PHF8: variants seen among roughly 807,000 people sequenced by gnomAD.
PHF8 encodes the protein histone lysine demethylase PHF8.
PHF8 carries 9 observed loss-of-function variants against 74.4 expected under a neutral mutation model. The observed-to-expected ratio is 0.12, with a 90% CI of 0.07 to 0.21. The LOEUF is 0.21. PHF8 is among the 10% of genes least tolerant of loss of function. PHF8 has a pLI of 1.00. For synonymous variants in PHF8, 311 were observed against 316.6 expected (o/e 0.98, Z 0.19); for missense variants, 478 against 816.6 (o/e 0.59, Z 5.05).
Position 53,977,758 on chromosome X carries a change from T to C in PHF8, c.2443+7156A>G, listed in dbSNP as rs1315519734. ...GACTCCTGGGTTCACGCCATTCTCC[T>C]GCCTCAGCCTCCTGAGTAGCTGGGA... is the stretch of plus-strand genomic sequence containing the variant. On this transcript the variant is annotated intron_variant, in intron 18 of 21. Coordinates refer to ENST00000338154, the MANE Select transcript of PHF8 (RefSeq NM_015107.3). 1.4e-4 allele frequency among the ~76,000 whole-genome samples: 15 copies of C among 107,534 alleles called. No homozygotes were observed. The East Asian group carries it at 3.6e-3, about 26-fold the overall frequency. The allele number at this position is 107,534 out of a possible 115,157, so 93.4% of individuals were successfully genotyped here. A position where few individuals can be genotyped will look rare whatever the true frequency, so the allele number is the denominator to read the frequency against.
Position 54,017,719 on chromosome X carries a change from C to T in PHF8, c.396G>A (p.Gly132=), listed in dbSNP as rs782802264. The T allele has an allele frequency of 1.1e-5, 13 of 1,206,993 alleles. No individual in the cohort carries two copies. In the South Asian group the frequency reaches 1.8e-4, roughly 16 times the overall value. The part of the protein sequence containing the change: ...SVPILVLKKD[G]LGMTLPSPSF... ...ATGGCGAGGGCAGCGTCATGCCCAA[C>T]CCATCCTTCTTCAGGACCAGGATGG... is the stretch of plus-strand genomic sequence containing the variant. The change falls in exon 5 of 22, where the codon GGG becomes GGA. Residue 132 remains glycine (G), a synonymous_variant. Coordinates refer to ENST00000338154, the MANE Select transcript of PHF8 (RefSeq NM_015107.3).
upstream of PHF8, among the ~76,000 whole-genome samples, chrX:54,046,435 T>TA: frequency 9.1e-6 from 1 of 110,107 alleles, no homozygotes; most frequent in Non-Finnish European, 1.9e-5. Flanking sequence ...ATAAAAATAT[T>TA]AGCCGTGTGT....
intron 18 of PHF8, among the ~76,000 whole-genome samples, chrX:53,974,656 C>G (rs1173076480): frequency 8.9e-6 from 1 of 111,868 alleles, no homozygotes; most frequent in Non-Finnish European, 1.9e-5. Flanking sequence ...ATGGAATCAA[C>G]CAAAATGCCC....
At chrX:54,034,803 G>A (rs1036969661) in intron 2 of PHF8, among the ~76,000 whole-genome samples, 111 of 88,463 alleles carry the variant, frequency 1.3e-3, no homozygotes, top group African/African-American at 4.4e-3. Flanking sequence ...CAGCCTGGGC[G>A]ACAGAGCGAG....
intron 2 of PHF8, among the ~76,000 whole-genome samples, chrX:54,039,112 C>T (rs1429008930): frequency 3.4e-5 from 3 of 88,778 alleles, no homozygotes; most frequent in African/African-American, 8.9e-5. Flanking sequence ...GCAGCTTGGG[C>T]AACAGAGTGA....
chrX:54,041,990 C>G (rs903793802), intron 2 of PHF8, among the ~76,000 whole-genome samples: 1 of 112,034 alleles, frequency 8.9e-6, no homozygotes, highest in Admixed American at 9.5e-5. Context: ...GTGTGTGAGG[C>G]AGAACATAAT....
chrX:53,941,043 A>C (rs1221023879), intron 20 of PHF8, among the ~76,000 whole-genome samples: 1 of 112,160 alleles, frequency 8.9e-6, no homozygotes, highest in East Asian at 2.8e-4. Flanking sequence ...GACACCTTGC[A>C]AACTTCTCAA....
intron 2 of PHF8, among the ~76,000 whole-genome samples, chrX:54,036,628 A>T (rs1417556365): frequency 1.9e-5 from 2 of 103,209 alleles, no homozygotes; most frequent in Non-Finnish European, 3.9e-5. Flanking sequence ...GCCTTGAACT[A>T]CATGAAAAGG....
At chrX:53,998,440 TG>T (rs2065781042) in intron 11 of PHF8, among the ~76,000 whole-genome samples, 1 of 109,951 alleles carries the variant, frequency 9.1e-6, no homozygotes, top group Non-Finnish European at 1.9e-5. Context: ...GGCGACAGAG[TG>T]AGGTTCTGTC....
chrX:54,043,495 C>A (rs782356181), intron 1 of PHF8, among the ~76,000 whole-genome samples: 1 of 111,211 alleles, frequency 9.0e-6, no homozygotes, highest in African/African-American at 3.3e-5. Flanking sequence ...CTAAACTGAC[C>A]AGCTCGTTCT....
Position 53,976,304 on chromosome X carries a change from C to CA in PHF8, c.2443+8609dup, listed in dbSNP as rs782395667. Among the ~76,000 whole-genome samples the CA allele has an allele frequency of 8.6e-3, 873 of 101,084 alleles. 4 individuals carry two copies. Among genetic ancestry groups the CA allele is most frequent in the Non-Finnish European group, 0.013 (656 of 50,718 alleles). The allele number at this position is 101,084 out of a possible 115,157, so 87.8% of individuals were successfully genotyped here. ...TGGGTGACAGACCAAGACTCTGTCT[C>CA]AAAAAAATAAAATAAAATAAAATAG... On this transcript the variant is annotated intron_variant, in intron 18 of 21. Coordinates refer to ENST00000338154, the MANE Select transcript of PHF8 (RefSeq NM_015107.3).
intron 5 of PHF8, 88 bp from the exon 6 acceptor site, chrX:54,016,824 T>G (rs185126228): frequency 2.7e-6 from 2 of 731,667 alleles, no homozygotes; most frequent in East Asian, 6.5e-5. Flanking sequence ...AGAATGGCCT[T>G]ACACTCAAAG....
At chrX:53,953,439 G>C (rs782264930) in intron 19 of PHF8, among the ~76,000 whole-genome samples, 7 of 109,756 alleles carry the variant, frequency 6.4e-5, no homozygotes, top group Non-Finnish European at 1.3e-4. Flanking sequence ...ACAGGAGTTC[G>C]AGACCAGCCT....
chrX:54,037,000 T>TAA (rs56902207), intron 2 of PHF8, among the ~76,000 whole-genome samples: 7,479 of 62,902 alleles, frequency 0.12, 399 homozygotes, highest in African/African-American at 0.25. Context: ...TCAGAAAAAA[T>TAA]AAAAAAAAAA....
chrX:54,040,874 A>G (rs1443226160), intron 2 of PHF8, among the ~76,000 whole-genome samples: 1 of 112,124 alleles, frequency 8.9e-6, no homozygotes, highest in Non-Finnish European at 1.9e-5. Context: ...ATCCCCACTT[A>G]TTTTCAGGGC....
chrX:53,958,653 G>C (rs1014166962), intron 19 of PHF8, among the ~76,000 whole-genome samples: 1 of 105,782 alleles, frequency 9.5e-6, no homozygotes, highest in Non-Finnish European at 1.9e-5. Flanking sequence ...GCGGGTGCCT[G>C]TAGTCCCAGC....
chrX:54,015,626 C>T (rs1437286500), intron 6 of PHF8, among the ~76,000 whole-genome samples: 1 of 107,408 alleles, frequency 9.3e-6, no homozygotes, highest in South Asian at 4.1e-4. Context: ...AATATTGTAC[C>T]GTAATTACAT....
chrX:54,006,990 A>G (rs1422037646), intron 8 of PHF8, among the ~76,000 whole-genome samples: 4 of 111,424 alleles, frequency 3.6e-5, no homozygotes, highest in African/African-American at 1.3e-4. Context: ...CTGAAAAAGA[A>G]AAAGTTGGAG....
chrX:53,970,852 C>T (rs1603307063), intron 18 of PHF8, among the ~76,000 whole-genome samples: 3 of 111,452 alleles, frequency 2.7e-5, no homozygotes, highest in Admixed American at 9.6e-5. Flanking sequence ...AAAGCAAGTT[C>T]GTAGAGACCT....
Sources: gnomAD v4.1 joint callset for allele counts (sites outside exome capture counted in the v4.1 genomes callset) on GRCh38, gnomAD v4.1.1 for gene constraint, MANE v1.5 for transcripts, NCBI Gene and HGNC (gene_info 2026-07-23, HGNC 2026-07-21) for gene names.